Variants in PPA1 observed in about 807,000 individuals in gnomAD.
PPA1 encodes the protein inorganic pyrophosphatase.
Under a neutral mutation model 41.8 loss-of-function variants are expected in PPA1, and 23 were observed. The observed-to-expected ratio is 0.55, with a 90% confidence interval of 0.40 to 0.78. PPA1 has a LOEUF of 0.78. Among genes scored for constraint, PPA1 ranks in the 30% least tolerant of loss-of-function variants. The pLI, the probability that PPA1 is intolerant of heterozygous loss-of-function variation, is 0.00. For synonymous variants in PPA1, 101 were observed against 116.8 expected, an observed-to-expected ratio of 0.86 and a Z score of 0.87; for missense variants, 320 against 361.6, an observed-to-expected ratio of 0.89 and a Z score of 0.93.
At chr10:70,208,007 C>T (rs530745348) in intron 8 of PPA1, among the ~76,000 whole-genome samples, 6 of 151,886 alleles carry the variant, frequency 4.0e-5, no homozygotes, top group African/African-American at 7.3e-5. Context: ...CTGGTTAACA[C>T]GGCAAAACCC....
chr10:70,223,688 A>G (rs572218971), intron 2 of PPA1, among the ~76,000 whole-genome samples: 3 of 152,256 alleles, frequency 2.0e-5, no homozygotes, highest in Non-Finnish European at 4.4e-5. Flanking sequence ...TGAATTTTAT[A>G]GCAACAGAGT....
intron 1 of PPA1, among the ~76,000 whole-genome samples, 198 bp from the exon 2 acceptor site, chr10:70,230,597 C>T (rs997735713): frequency 2.6e-5 from 4 of 151,802 alleles, no homozygotes; most frequent in African/African-American, 7.3e-5. Flanking sequence ...CCTCCTGAGC[C>T]GCTGGAACTA....
At chr10:70,207,923 T>C (rs1311194092) in intron 8 of PPA1, among the ~76,000 whole-genome samples, 2 of 90,836 alleles carry the variant, frequency 2.2e-5, no homozygotes, top group Non-Finnish European at 5.1e-5. Flanking sequence ...CCGGGTGTGG[T>C]GGCTCACGCC....
chr10:70,226,883 A>C (rs115648387), intron 2 of PPA1, among the ~76,000 whole-genome samples: 1 of 152,230 alleles, frequency 6.6e-6, no homozygotes, highest in African/African-American at 2.4e-5. Context: ...CACATATTCC[A>C]TATTTATATA....
chr10:70,209,948 G>A, intron 6 of PPA1: 1 of 433,472 alleles, frequency 2.3e-6, no homozygotes, highest in Non-Finnish European at 4.1e-6. Context: ...ACTAAGTACA[G>A]AGAACAATCA....
Position 70,220,847 on chromosome 10 carries a change from T to A in PPA1, c.124-2030A>T, listed in dbSNP as rs868724091. Among the ~76,000 whole-genome samples the A allele has an allele frequency of 5.9e-4, 25 of 42,522 alleles. 2 individuals are homozygous for A. Among genetic ancestry groups the A allele is most frequent in the African/African-American group, 1.5e-3 (14 of 9,316 alleles). The allele number at this position is 42,522 out of a possible 152,430, so 27.9% of individuals were successfully genotyped here. ...TTATATATATAATTTTTATATATAT[T>A]ATATATATAATTCTTATATATATAA... On this transcript the variant is annotated intron_variant, in intron 2 of 10. Transcript: ENST00000373232.
chr10:70,221,734 T>C (rs1261772942), intron 2 of PPA1, among the ~76,000 whole-genome samples: 2 of 152,152 alleles, frequency 1.3e-5, no homozygotes, highest in African/African-American at 2.4e-5. Context: ...ACATGAAAGA[T>C]CAACTGAAGA....
At position 70,233,269 on chromosome 10, in the gene PPA1, A is replaced by C. The variant is rs1286218717; in HGVS notation, c.59T>G (p.Phe20Cys). Residue 20 changes from phenylalanine (F) to cysteine (C), a missense_variant, in exon 1 of 11, where the codon TTC (phenylalanine) becomes TGC (cysteine). Transcript: ENST00000373232. The part of the protein sequence containing the change: ...AAPFSLEYRV[F>C]LKNEKGQYIS... ...CACGGGCCGCAGACACTCACTGAGG[A>C]AGACTCGGTACTCCAGGGAGAAGGG... is the stretch of plus-strand genomic sequence containing the variant. 1.3e-6 allele frequency: 2 copies of C among 1,541,720 alleles called. No individual in the cohort carries two copies. Among genetic ancestry groups the C allele is most frequent in the Admixed American group, 4.0e-5 (2 of 50,412 alleles).
rs1389169891 is a variant in PPA1, at chr10:70,220,622, T to A, written c.124-1805A>T. ...TAATTTATATATATATTATATATAA[T>A]TTATATATATATAATATATATAATT... On this transcript the variant is annotated intron_variant, in intron 2 of 10. Coordinates refer to ENST00000373232, the MANE Select transcript of PPA1 (RefSeq NM_021129.4). 9.2e-4 allele frequency among the ~76,000 whole-genome samples: 5 copies of A among 5,412 alleles called. 2 individuals carry two copies. The highest frequency in any genetic ancestry group is 1.1e-3 in the African/African-American group (2 of 1,790). 3.6% of individuals were successfully genotyped at this position (5,412 alleles called of 152,430 possible). A position where few individuals can be genotyped will look rare whatever the true frequency, so the allele number is the denominator to read the frequency against.
At chr10:70,228,824 C>T (rs989208936) in intron 2 of PPA1, among the ~76,000 whole-genome samples, 20 of 152,288 alleles carry the variant, frequency 1.3e-4, no homozygotes, top group Non-Finnish European at 2.5e-4. Flanking sequence ...CAGCAAACTT[C>T]CTGGTAGAAG....
At chr10:70,219,880 G>A (rs562927401) in intron 2 of PPA1, among the ~76,000 whole-genome samples, 3 of 151,974 alleles carry the variant, frequency 2.0e-5, no homozygotes, top group African/African-American at 7.2e-5. Flanking sequence ...TTTTTTTCAC[G>A]GAATAGAACT....
intron 7 of PPA1, 66 bp from the exon 8 acceptor site, chr10:70,209,356 C>T (rs896295887): frequency 1.4e-6 from 2 of 1,385,542 alleles, no homozygotes; most frequent in African/African-American, 1.5e-5. Context: ...TCAACATTTC[C>T]CCAAAGCCTG....
intron 3 of PPA1, 81 bp downstream of exon 3, chr10:70,218,683 T>C (rs1840104244): frequency 1.8e-6 from 2 of 1,111,590 alleles, no homozygotes; most frequent in Admixed American, 3.8e-5. Flanking sequence ...GACGTTCAGA[T>C]GGTTCATCCT....
chr10:70,205,369 TG>T (rs1259928134), intron 9 of PPA1: 1 of 147,700 alleles, frequency 6.8e-6, no homozygotes, highest in Non-Finnish European at 1.5e-5. Context: ...GAGCGAGACT[TG>T]TCTCAAAAAA....
At chr10:70,204,773 AAT>A (rs1839918469) in intron 10 of PPA1, 98 bp downstream of exon 10, 1 of 977,236 alleles carries the variant, frequency 1.0e-6, no homozygotes, top group African/African-American at 1.7e-5. Flanking sequence ...TGTACCCATA[AAT>A]ATATTTAATT....
chr10:70,226,247 A>C (rs986840765), intron 2 of PPA1, among the ~76,000 whole-genome samples: 9 of 152,252 alleles, frequency 5.9e-5, no homozygotes, highest in African/African-American at 1.9e-4. Flanking sequence ...GTACCTGTGT[A>C]GAGCAATAAC....
chr10:70,212,326 T>C (rs1273319403), intron 6 of PPA1, among the ~76,000 whole-genome samples: 2 of 152,240 alleles, frequency 1.3e-5, no homozygotes, highest in African/African-American at 2.4e-5. Flanking sequence ...GTGTTCTAGC[T>C]TTGGCAACTC....
At chr10:70,221,128 C>G (rs1273455163) in intron 2 of PPA1, among the ~76,000 whole-genome samples, 2 of 105,178 alleles carry the variant, frequency 1.9e-5, no homozygotes, top group Non-Finnish European at 3.5e-5. Context: ...TTACCCCAGA[C>G]TGGTAAAGTA....
chr10:70,220,717 TTA>T (rs1276651467), intron 2 of PPA1, among the ~76,000 whole-genome samples: 2 of 7,156 alleles, frequency 2.8e-4, no homozygotes. Flanking sequence ...TATATATAAT[TTA>T]TATATATAAT....
Sources: allele counts gnomAD v4.1 joint callset (sites outside exome capture counted in the v4.1 genomes callset), GRCh38; gene constraint gnomAD v4.1.1; transcripts MANE v1.5; gene names NCBI Gene and HGNC (gene_info 2026-07-23, HGNC 2026-07-21).